The following MED13 variants were observed in gnomAD, a reference collection of about 807,000 sequenced individuals.
The protein encoded by MED13 is mediator complex subunit 13.
A neutral mutation model predicts 225.2 loss-of-function variants in MED13; 23 were observed. The observed-to-expected ratio is 0.10, with a 90% confidence interval of 0.07 to 0.14. The LOEUF (loss-of-function observed/expected upper bound fraction) is 0.14, where lower values mean the gene tolerates loss of function less well. MED13 is among the 10% of genes least tolerant of loss of function. The pLI is 1.00. For missense variants in MED13, 2,197 were observed against 2,594.5 expected (o/e 0.85, Z 3.33); for synonymous variants, 942 against 889.2 (o/e 1.06, Z -1.06).
At chr17:62,024,659 C>G (rs1177379737) in intron 8 of MED13, among the ~76,000 whole-genome samples, 2 of 152,086 alleles carry the variant, frequency 1.3e-5, no homozygotes, top group Non-Finnish European at 2.9e-5. Context: ...GACTAGTATC[C>G]AATAGTTATT....
intron 8 of MED13, among the ~76,000 whole-genome samples, chr17:62,015,500 G>A (rs186561272): frequency 1.3e-5 from 2 of 152,174 alleles, no homozygotes; most frequent in Non-Finnish European, 2.9e-5. Context: ...GAAAGCAACA[G>A]GCAGACCTAC....
At chr17:61,979,323 C>T (rs2080183735) in intron 16 of MED13, among the ~76,000 whole-genome samples, 1 of 151,898 alleles carries the variant, frequency 6.6e-6, no homozygotes. Flanking sequence ...CCATTTTTTT[C>T]TTTTTGAGAA....
chr17:61,988,660 T>C (rs2080268642), intron 11 of MED13, among the ~76,000 whole-genome samples: 1 of 152,168 alleles, frequency 6.6e-6, no homozygotes, highest in African/African-American at 2.4e-5. Flanking sequence ...GGGGCTTACA[T>C]GTTTCCTATA....
intron 2 of MED13, among the ~76,000 whole-genome samples, chr17:62,054,575 T>C (rs1371031282): frequency 1.3e-5 from 2 of 152,122 alleles, no homozygotes; most frequent in Non-Finnish European, 2.9e-5. Context: ...CTTTAATTAA[T>C]TAAAGGTCTA....
At chr17:61,974,542 T>C (rs577038217) in intron 16 of MED13, among the ~76,000 whole-genome samples, 1 of 124,940 alleles carries the variant, frequency 8.0e-6, no homozygotes, top group East Asian at 4.1e-4. Flanking sequence ...ACCTGGCACA[T>C]GTACCCATAA....
Position 61,944,551 on chromosome 17 carries a change from T to C in MED13, c.*1917A>G, listed in dbSNP as rs111486843. On this transcript the variant is annotated 3_prime_UTR_variant, in exon 30 of 30. Coordinates refer to ENST00000397786, the MANE Select transcript of MED13 (RefSeq NM_005121.3). ...ATGATTGACAACCTTTGTCACCAAT[T>C]GTGTTTGCTTCATAGAAAAAACAAG... 8 of 152,270 alleles carry C rather than the reference T, an allele frequency of 5.3e-5. No homozygotes were observed. The highest frequency in any genetic ancestry group is 1.7e-4 in the African/African-American group (7 of 41,564). The allele number at this position is 152,270 out of a possible 1,614,324, so 9.4% of individuals were successfully genotyped here.
At chr17:61,957,301 C>T (rs1380248595) in intron 23 of MED13, among the ~76,000 whole-genome samples, 7 of 151,318 alleles carry the variant, frequency 4.6e-5, no homozygotes, top group African/African-American at 1.2e-4. Context: ...TCTCAGCATC[C>T]CAAAGTGTTG....
At chr17:61,991,694 G>A (rs2080300561) in intron 11 of MED13, among the ~76,000 whole-genome samples, 1 of 152,100 alleles carries the variant, frequency 6.6e-6, no homozygotes, top group African/African-American at 2.4e-5. Context: ...TTTTTTAGTA[G>A]AGACGGGGTT....
At chr17:61,999,659 T>C (rs2080376895) in intron 9 of MED13, among the ~76,000 whole-genome samples, 1 of 152,136 alleles carries the variant, frequency 6.6e-6, no homozygotes, top group South Asian at 2.1e-4. Context: ...AAACATAAAA[T>C]TGCTACACAT....
intron 9 of MED13, chr17:62,003,753 A>G (rs2080419869): frequency 6.6e-6 from 1 of 152,160 alleles, no homozygotes; most frequent in Non-Finnish European, 1.5e-5. Flanking sequence ...TAAGGCAGAA[A>G]AAAAGGGTGA....
intron 8 of MED13, among the ~76,000 whole-genome samples, chr17:62,018,674 A>G (rs2080606621): frequency 6.6e-6 from 1 of 151,842 alleles, no homozygotes; most frequent in Admixed American, 6.6e-5. Flanking sequence ...AGATGACACC[A>G]CTGCACTCCT....
At chr17:61,998,516 G>A (rs551405642) in intron 9 of MED13, among the ~76,000 whole-genome samples, 1 of 150,974 alleles carries the variant, frequency 6.6e-6, no homozygotes, top group South Asian at 2.1e-4. Context: ...TTTTTAAGAT[G>A]ACAATTATAG....
At chr17:61,951,535 T>C (rs2079896648) in intron 27 of MED13, among the ~76,000 whole-genome samples, 1 of 152,204 alleles carries the variant, frequency 6.6e-6, no homozygotes, top group East Asian at 1.9e-4. Context: ...AAAAATAATA[T>C]GCATGAAAAC....
chr17:61,988,002 G>A (rs1043817983), intron 11 of MED13, among the ~76,000 whole-genome samples: 4 of 151,730 alleles, frequency 2.6e-5, no homozygotes, highest in South Asian at 2.1e-4. Flanking sequence ...CTCTGTTTCT[G>A]AAGTGCTGGG....
intron 17 of MED13, among the ~76,000 whole-genome samples, chr17:61,969,205 A>T (rs910883251): frequency 1.3e-5 from 2 of 152,144 alleles, no homozygotes; most frequent in Non-Finnish European, 2.9e-5. Context: ...AAAATACAAA[A>T]TTAGCCGGGC....
intron 3 of MED13, among the ~76,000 whole-genome samples, chr17:62,048,043 C>CATATACATATATACAT (rs776069700): frequency 7.6e-5 from 10 of 131,144 alleles, no homozygotes; most frequent in African/African-American, 2.8e-4. Flanking sequence ...TATACATATA[C>CATATACATATATACAT]ATATATATAT....
intron 8 of MED13, among the ~76,000 whole-genome samples, chr17:62,021,929 G>T (rs1029234499): frequency 6.6e-6 from 1 of 151,990 alleles, no homozygotes; most frequent in Non-Finnish European, 1.5e-5. Context: ...CACTTTGGGA[G>T]GCCAAGGTAC....
chr17:61,991,825 T>TA (rs2080302102), intron 11 of MED13, among the ~76,000 whole-genome samples: 1 of 152,112 alleles, frequency 6.6e-6, no homozygotes, highest in Non-Finnish European at 1.5e-5. Flanking sequence ...TGTATTTTTT[T>TA]AGTAGGGATG....
chr17:62,013,900 G>A (rs575084168), intron 8 of MED13, among the ~76,000 whole-genome samples: 3 of 151,996 alleles, frequency 2.0e-5, no homozygotes, highest in Non-Finnish European at 2.9e-5. Context: ...TTAGCTGGGC[G>A]TGGTGGTGGG....
Sources: gnomAD v4.1 joint callset for allele counts (sites outside exome capture counted in the v4.1 genomes callset) on GRCh38, gnomAD v4.1.1 for gene constraint, MANE v1.5 for transcripts, NCBI Gene and HGNC (gene_info 2026-07-23, HGNC 2026-07-21) for gene names.